ZFPM2: variants seen among roughly 807,000 people sequenced by gnomAD.
ZFPM2 encodes zinc finger protein ZFPM2.
ZFPM2 carries 20 observed loss-of-function variants against 98.6 expected under a neutral mutation model. The observed-to-expected ratio is 0.20, with a 90% confidence interval of 0.14 to 0.29. The LOEUF is 0.29. Ranked by LOEUF, ZFPM2 falls within the 10% of genes least tolerant of loss-of-function variation. The pLI is 1.00. For missense variants in ZFPM2, 1,310 were observed against 1,388.6 expected (o/e 0.94, Z 0.90); for synonymous variants, 518 against 502.7 (o/e 1.03, Z -0.41).
intron 1 of ZFPM2, among the ~76,000 whole-genome samples, chr8:105,385,984 A>G (rs760293589): frequency 1.3e-5 from 2 of 152,188 alleles, no homozygotes; most frequent in Non-Finnish European, 2.9e-5. Context: ...TCTGTGCCTC[A>G]GTTCCCTCAT....
intron 5 of ZFPM2, among the ~76,000 whole-genome samples, chr8:105,670,883 G>A (rs146231581): frequency 6.6e-6 from 1 of 152,224 alleles, no homozygotes; most frequent in African/African-American, 2.4e-5. Context: ...GATAAACTCA[G>A]TATTGGCAGT....
chr8:105,766,331 G>A (rs1480689733), intron 5 of ZFPM2, among the ~76,000 whole-genome samples: 1 of 151,916 alleles, frequency 6.6e-6, no homozygotes, highest in African/African-American at 2.4e-5. Context: ...GTTTAGATCA[G>A]TTTGATTCCT....
At chr8:105,625,820 C>T (rs1194839561) in intron 4 of ZFPM2, among the ~76,000 whole-genome samples, 3 of 151,790 alleles carry the variant, frequency 2.0e-5, no homozygotes, top group African/African-American at 4.8e-5. Context: ...TGACCTCAGG[C>T]GATCCACCAA....
rs189461041 is a variant in ZFPM2 at position 105,564,536 on chromosome 8, A to G, written c.420+3055A>G. 8.1e-4 allele frequency among the ~76,000 whole-genome samples: 123 copies of G among 152,202 alleles called. 2 individuals are homozygous for G. The highest frequency in any genetic ancestry group is 2.4e-3 in the Admixed American group (36 of 15,264). On this transcript the variant is annotated intron_variant, in intron 4 of 7. Transcript: ENST00000407775. Reference sequence around the variant, plus strand: ...CAAATTGGTTAACATATATGTCTGAAAAATGGAAATAGATTAGCTCATTTA... The same window carrying G: ...CAAATTGGTTAACATATATGTCTGAGAAATGGAAATAGATTAGCTCATTTA...
At chr8:105,625,573 T>A (rs1407532189) in intron 4 of ZFPM2, among the ~76,000 whole-genome samples, 1 of 150,090 alleles carries the variant, frequency 6.7e-6, no homozygotes, top group East Asian at 2.0e-4. Context: ...AGGTGTTATC[T>A]GTGAAAACCT....
At chr8:105,609,653 GA>G (rs142339145) in intron 4 of ZFPM2, among the ~76,000 whole-genome samples, 1 of 152,284 alleles carries the variant, frequency 6.6e-6, no homozygotes, top group African/African-American at 2.4e-5. Context: ...AAAGAGAGTA[GA>G]CAGTGCCTGA....
intron 3 of ZFPM2, among the ~76,000 whole-genome samples, chr8:105,461,983 C>A (rs1812712228): frequency 6.6e-6 from 1 of 152,116 alleles, no homozygotes; most frequent in Non-Finnish European, 1.5e-5. Flanking sequence ...TTATTATTTG[C>A]TACCATATTT....
chr8:105,788,599 T>G, intron 5 of ZFPM2, 119 bp from the exon 6 acceptor site: 1 of 976,198 alleles, frequency 1.0e-6, no homozygotes, highest in Non-Finnish European at 1.6e-6. Flanking sequence ...GATCAAACAC[T>G]CCACTCCAGT....
intron 5 of ZFPM2, among the ~76,000 whole-genome samples, chr8:105,648,077 G>C (rs11986227): frequency 0.47 from 71,898 of 151,922 alleles, 17,292 homozygotes; most frequent in African/African-American, 0.55. Context: ...ATTCTAACTG[G>C]TGTGAGATGG....
At chr8:105,622,068 G>A (rs1211027857) in intron 4 of ZFPM2, among the ~76,000 whole-genome samples, 1 of 151,076 alleles carries the variant, frequency 6.6e-6, no homozygotes, top group African/African-American at 2.4e-5. Flanking sequence ...ATTACTAATT[G>A]GAATTATTTT....
At chr8:105,415,557 C>T (rs1811664665) in intron 1 of ZFPM2, among the ~76,000 whole-genome samples, 1 of 151,996 alleles carries the variant, frequency 6.6e-6, no homozygotes, top group Non-Finnish European at 1.5e-5. Context: ...GACTTCTGTG[C>T]CCACTAATCC....
At chr8:105,637,864 G>T (rs1326226788) in intron 5 of ZFPM2, among the ~76,000 whole-genome samples, 1 of 152,070 alleles carries the variant, frequency 6.6e-6, no homozygotes, top group Non-Finnish European at 1.5e-5. Context: ...AATGTTTGTG[G>T]CATTTTCGTA....
intron 1 of ZFPM2, among the ~76,000 whole-genome samples, chr8:105,326,631 G>A (rs1222475790): frequency 6.6e-6 from 1 of 151,604 alleles, no homozygotes; most frequent in Non-Finnish European, 1.5e-5. Context: ...TGTATGTAAA[G>A]CAAGGAATTT....
chr8:105,465,849 A>G (rs1386857583), intron 3 of ZFPM2, among the ~76,000 whole-genome samples: 1 of 152,032 alleles, frequency 6.6e-6, no homozygotes, highest in East Asian at 1.9e-4. Context: ...CAAATATTTT[A>G]TAATAAATAC....
chr8:105,566,986 G>A (rs1815256284), intron 4 of ZFPM2, among the ~76,000 whole-genome samples: 1 of 152,086 alleles, frequency 6.6e-6, no homozygotes, highest in South Asian at 2.1e-4. Flanking sequence ...AATAATGCAT[G>A]TATCAAATTG....
rs549731237 is a variant in ZFPM2, at chr8:105,714,665, G to A, written c.533-74053G>A. 2.6e-5 allele frequency among the ~76,000 whole-genome samples: 4 copies of A among 151,984 alleles called. No individual in the cohort carries two copies. The East Asian group carries it at 7.8e-4, about 29-fold the overall frequency. Reference sequence around the variant, plus strand: ...CTGTATAATGGAAATACCATATAATGTATGCTACTGAACATTACTTCCCAA... The same window carrying A: ...CTGTATAATGGAAATACCATATAATATATGCTACTGAACATTACTTCCCAA... On this transcript the variant is annotated intron_variant, in intron 5 of 7. Coordinates refer to ENST00000407775, the MANE Select transcript of ZFPM2 (RefSeq NM_012082.4).
chr8:105,709,552 CACTACTTACAGT>C (rs1811332884), intron 5 of ZFPM2, among the ~76,000 whole-genome samples: 1 of 151,988 alleles, frequency 6.6e-6, no homozygotes, highest in Non-Finnish European at 1.5e-5. Flanking sequence ...AAATGTATGC[CACTACTTACAGT>C]ACTTAAAAGT....
intron 5 of ZFPM2, among the ~76,000 whole-genome samples, chr8:105,683,877 C>G (rs1810669939): frequency 6.6e-6 from 1 of 152,132 alleles, no homozygotes; most frequent in Non-Finnish European, 1.5e-5. Flanking sequence ...TTGTCAAAGA[C>G]TGTGTGTTCA....
intron 1 of ZFPM2, among the ~76,000 whole-genome samples, chr8:105,323,852 T>G (rs1812070880): frequency 6.6e-6 from 1 of 151,860 alleles, no homozygotes; most frequent in Non-Finnish European, 1.5e-5. Context: ...GGGCTAAAAC[T>G]TGGAGATATG....
Sources: allele counts gnomAD v4.1 joint callset (sites outside exome capture counted in the v4.1 genomes callset), GRCh38; gene constraint gnomAD v4.1.1; transcripts MANE v1.5; gene names NCBI Gene and HGNC (gene_info 2026-07-23, HGNC 2026-07-21).